Variants in CNTN4 observed in about 807,000 individuals in gnomAD.
The protein encoded by CNTN4 is contactin-4.
Under a neutral mutation model 122.5 loss-of-function variants are expected in CNTN4, and 77 were observed. That is an observed-to-expected ratio of 0.63 (90% confidence interval 0.52 to 0.76). The LOEUF (loss-of-function observed/expected upper bound fraction) is 0.76. Ranked by LOEUF, CNTN4 falls within the 30% of genes least tolerant of loss-of-function variation. The pLI is 0.00. For missense variants in CNTN4, 1,256 were observed against 1,259.1 expected (o/e 1.00, Z 0.04); for synonymous variants, 512 against 447.0 (o/e 1.15, Z -1.83).
At chr3:2,903,985 G>A (rs544506002) in intron 12 of CNTN4, among the ~76,000 whole-genome samples, 8 of 151,926 alleles carry the variant, frequency 5.3e-5, no homozygotes, top group African/African-American at 1.4e-4. Flanking sequence ...GTAAAGAATC[G>A]AAAACATAGT....
intron 6 of CNTN4, among the ~76,000 whole-genome samples, chr3:2,790,119 A>G (rs1240761905): frequency 1.3e-5 from 2 of 152,236 alleles, no homozygotes; most frequent in Non-Finnish European, 2.9e-5. Context: ...TTTTAAAATG[A>G]GAAAACCAAG....
chr3:2,803,409 A>G (rs1460965079), intron 6 of CNTN4, among the ~76,000 whole-genome samples: 8 of 152,224 alleles, frequency 5.3e-5, no homozygotes, highest in Non-Finnish European at 1.0e-4. Flanking sequence ...ACTCTTAAAT[A>G]TACAGGCTGT....
At chr3:2,231,631 A>G (rs2039491477) in intron 2 of CNTN4, among the ~76,000 whole-genome samples, 1 of 152,242 alleles carries the variant, frequency 6.6e-6, no homozygotes, top group South Asian at 2.1e-4. Context: ...TACCTTAGCA[A>G]CATCCAAGGC....
At chr3:2,126,735 A>G (rs1273001765) in intron 2 of CNTN4, among the ~76,000 whole-genome samples, 1 of 152,226 alleles carries the variant, frequency 6.6e-6, no homozygotes, top group African/African-American at 2.4e-5. Context: ...TCATCAAGTA[A>G]TATTTTTCTT....
chr3:2,967,404 C>T lies in CNTN4; in HGVS notation c.1359-20941C>T, dbSNP rs114063383. 2.5e-3 allele frequency among the ~76,000 whole-genome samples: 379 copies of T among 152,214 alleles called. 3 individuals are homozygous for T. Among genetic ancestry groups the T allele is most frequent in the African/African-American group, 8.8e-3 (364 of 41,524 alleles). On this transcript the variant is annotated intron_variant, in intron 13 of 24. Transcript: ENST00000418658. Reference sequence around the variant, plus strand: ...AAGAATCTTGTAGCCTCTGGCCTCACGACTCCTAAACCATAATTTCTAATC... The same window carrying T: ...AAGAATCTTGTAGCCTCTGGCCTCATGACTCCTAAACCATAATTTCTAATC...
intron 6 of CNTN4, among the ~76,000 whole-genome samples, chr3:2,794,634 T>C (rs909046363): frequency 6.6e-6 from 1 of 152,226 alleles, no homozygotes; most frequent in Non-Finnish European, 1.5e-5. Context: ...TTCAACTTCC[T>C]TTAGAGATAG....
At chr3:3,033,124 C>T (rs565516370) in intron 16 of CNTN4, among the ~76,000 whole-genome samples, 1 of 152,116 alleles carries the variant, frequency 6.6e-6, no homozygotes, top group African/African-American at 2.4e-5. Context: ...TTTTAAAGGA[C>T]ATCAGTGCAG....
intron 4 of CNTN4, among the ~76,000 whole-genome samples, chr3:2,689,139 A>C (rs2085590444): frequency 2.6e-5 from 4 of 152,186 alleles, no homozygotes. Flanking sequence ...GCCAACCTCC[A>C]TCCAGTTCTT....
intron 3 of CNTN4, among the ~76,000 whole-genome samples, chr3:2,549,137 C>T (rs956092112): frequency 1.3e-5 from 2 of 151,072 alleles, no homozygotes; most frequent in African/African-American, 4.8e-5. Context: ...ACAATCATGT[C>T]ATCTGCAAAC....
At chr3:2,249,888 T>A (rs1248829643) in intron 2 of CNTN4, among the ~76,000 whole-genome samples, 1 of 151,886 alleles carries the variant, frequency 6.6e-6, no homozygotes, top group East Asian at 1.9e-4. Flanking sequence ...ATTTTAGATT[T>A]TTTTCAAGAT....
chr3:2,756,791 A>G (rs1045140175), intron 6 of CNTN4, among the ~76,000 whole-genome samples: 8 of 152,200 alleles, frequency 5.3e-5, no homozygotes, highest in African/African-American at 1.9e-4. Context: ...AGCCACCAGA[A>G]GCTAGAAGAA....
intron 2 of CNTN4, among the ~76,000 whole-genome samples, chr3:2,112,358 A>G (rs1286164026): frequency 6.6e-6 from 1 of 152,186 alleles, no homozygotes; most frequent in East Asian, 1.9e-4. Flanking sequence ...CAGTACTGGG[A>G]AATGAATTTC....
intron 4 of CNTN4, among the ~76,000 whole-genome samples, chr3:2,586,589 C>T (rs79950199): frequency 0.025 from 3,777 of 152,278 alleles, 64 homozygotes; most frequent in Middle Eastern, 0.044. Context: ...CCGCCTGCAC[C>T]CCTCCACCAA....
chr3:2,524,050 T>C (rs1575845570), intron 3 of CNTN4, among the ~76,000 whole-genome samples: 2 of 152,090 alleles, frequency 1.3e-5, no homozygotes, highest in Admixed American at 1.3e-4. Context: ...AATTCAGTGT[T>C]TTTAGTGTAT....
chr3:2,361,975 C>T (rs1313122500), intron 3 of CNTN4, among the ~76,000 whole-genome samples: 1 of 152,004 alleles, frequency 6.6e-6, no homozygotes, highest in Non-Finnish European at 1.5e-5. Context: ...ATAGAAAGAC[C>T]TGAGTTGGAG....
chr3:2,506,808 G>A (rs899822574), intron 3 of CNTN4, among the ~76,000 whole-genome samples: 1 of 152,110 alleles, frequency 6.6e-6, no homozygotes, highest in Non-Finnish European at 1.5e-5. Flanking sequence ...GGTGGGAGAC[G>A]GGAGAGGGAG....
At chr3:2,110,101 G>C (rs1279564913) in intron 2 of CNTN4, among the ~76,000 whole-genome samples, 2 of 152,216 alleles carry the variant, frequency 1.3e-5, no homozygotes, top group Non-Finnish European at 2.9e-5. Context: ...TTTACTTCTT[G>C]ATGACACGGG....
rs1173370832 is a variant in CNTN4, at chr3:2,940,720, C to G, written c.1358+14941C>G. Among the ~76,000 whole-genome samples, 17 of 132,090 alleles carry G rather than the reference C, an allele frequency of 1.3e-4. 1 individual carries two copies. 86.7% of individuals were successfully genotyped at this position (132,090 alleles called of 152,430 possible). A position where few individuals can be genotyped will look rare whatever the true frequency, so the allele number is the denominator to read the frequency against. ...GGTAGGAAGAGAAGATGAGTAAAGT[C>G]TCAGAGAAGTTAAGGGTAAAAGGAG... On this transcript the variant is annotated intron_variant, in intron 13 of 24. Coordinates refer to ENST00000418658, the MANE Select transcript of CNTN4 (RefSeq NM_175607.3).
chr3:2,118,241 C>T (rs1471072985), intron 2 of CNTN4, among the ~76,000 whole-genome samples: 1 of 152,148 alleles, frequency 6.6e-6, no homozygotes, highest in African/African-American at 2.4e-5. Flanking sequence ...GGTCATGCAG[C>T]TAATAAATGG....
Sources: gnomAD v4.1 joint callset for allele counts (sites outside exome capture counted in the v4.1 genomes callset) on GRCh38, gnomAD v4.1.1 for gene constraint, MANE v1.5 for transcripts, NCBI Gene and HGNC (gene_info 2026-07-23, HGNC 2026-07-21) for gene names.